Variants in MACROD2 observed in about 807,000 individuals in gnomAD.
The protein encoded by MACROD2 is mono-ADP ribosylhydrolase 2.
MACROD2 carries 36 observed loss-of-function variants against 70.4 expected under a neutral mutation model. That is an observed-to-expected ratio of 0.51 (90% confidence interval 0.39 to 0.68). The LOEUF is 0.68. Among genes scored for constraint, MACROD2 ranks in the 30% least tolerant of loss-of-function variants. The pLI is 0.00. For missense variants in MACROD2, 496 were observed against 538.4 expected, an observed-to-expected ratio of 0.92 and a Z score of 0.78; for synonymous variants, 172 against 178.8, an observed-to-expected ratio of 0.96 and a Z score of 0.30.
At position 14,562,414 on chromosome 20, in the gene MACROD2, G is replaced by C. The variant is rs182260666; in HGVS notation, c.301+68906G>C. On this transcript the variant is annotated intron_variant, in intron 4 of 17. Coordinates refer to ENST00000684519, the MANE Select transcript of MACROD2 (RefSeq NM_001351661.2). ...ATTATCTTAAGTTGGTATATTTATT[G>C]TTTATACATCTACCTACAACCAAAA... is the stretch of plus-strand genomic sequence containing the variant. Among the ~76,000 whole-genome samples, 149 of 151,908 alleles carry C rather than the reference G, an allele frequency of 9.8e-4. 1 individual carries two copies. The highest frequency in any genetic ancestry group is 3.9e-4 in the East Asian group (2 of 5,160).
intron 5 of MACROD2, among the ~76,000 whole-genome samples, chr20:15,201,483 C>T (rs939440085): frequency 6.6e-6 from 1 of 152,148 alleles, no homozygotes; most frequent in Non-Finnish European, 1.5e-5. Context: ...ATACAAATTG[C>T]TTATTATTGC....
At chr20:14,039,167 A>ATT (rs1229777128) in intron 2 of MACROD2, among the ~76,000 whole-genome samples, 1 of 152,168 alleles carries the variant, frequency 6.6e-6, no homozygotes, top group African/African-American at 2.4e-5. Flanking sequence ...GCTTTTAAAA[A>ATT]TTTTTTATGT....
chr20:14,046,715 T>TTTTTTTTA (rs1555913272), intron 2 of MACROD2, among the ~76,000 whole-genome samples: 22 of 145,788 alleles, frequency 1.5e-4, no homozygotes, highest in Non-Finnish European at 4.5e-5. Flanking sequence ...AAGCATTCTC[T>TTTTTTTTA]TTTATTTATT....
chr20:15,143,956 A>AC (rs1002186604), intron 5 of MACROD2, among the ~76,000 whole-genome samples: 7 of 148,288 alleles, frequency 4.7e-5, no homozygotes, highest in African/African-American at 1.8e-4. Context: ...AAAAAAAAAA[A>AC]AATCGCAAAA....
At chr20:15,471,062 C>T (rs1248041890) in intron 7 of MACROD2, among the ~76,000 whole-genome samples, 1 of 152,176 alleles carries the variant, frequency 6.6e-6, no homozygotes. Flanking sequence ...GTATGTGCCC[C>T]TTTCTCCTCT....
At chr20:15,456,405 C>T (rs545381200) in intron 7 of MACROD2, among the ~76,000 whole-genome samples, 1 of 152,264 alleles carries the variant, frequency 6.6e-6, no homozygotes, top group Admixed American at 6.5e-5. Flanking sequence ...CCTTGTAGTC[C>T]CTTTGCTGTT....
intron 4 of MACROD2, among the ~76,000 whole-genome samples, chr20:14,500,472 T>C (rs1177521228): frequency 6.6e-6 from 1 of 152,348 alleles, no homozygotes; most frequent in East Asian, 1.9e-4. Flanking sequence ...TGAACTTGTC[T>C]AGTTCTTTCT....
intron 3 of MACROD2, among the ~76,000 whole-genome samples, chr20:14,155,421 A>G (rs897957481): frequency 1.3e-5 from 2 of 152,122 alleles, no homozygotes; most frequent in African/African-American, 2.4e-5. Context: ...ATACCTTCCC[A>G]TCGGTATGCT....
chr20:15,654,949 G>C (rs1210803469), intron 8 of MACROD2, among the ~76,000 whole-genome samples: 1 of 152,018 alleles, frequency 6.6e-6, no homozygotes, highest in Non-Finnish European at 1.5e-5. Context: ...TCTACAGCTG[G>C]AGAGATGAAG....
chr20:14,330,918 C>T (rs1568561789), intron 3 of MACROD2, among the ~76,000 whole-genome samples: 2 of 151,998 alleles, frequency 1.3e-5, no homozygotes, highest in Admixed American at 6.6e-5. Flanking sequence ...GTTTTTTAAA[C>T]TTGAAAATTA....
chr20:15,101,541 A>AAAAAAAAG (rs2075872847), intron 5 of MACROD2, among the ~76,000 whole-genome samples: 1 of 150,340 alleles, frequency 6.7e-6, no homozygotes, highest in African/African-American at 2.4e-5. Flanking sequence ...GTTCAAAAAA[A>AAAAAAAAG]AAAAAAAGCA....
intron 13 of MACROD2, among the ~76,000 whole-genome samples, chr20:15,977,861 C>G (rs2066331975): frequency 6.6e-6 from 1 of 152,102 alleles, no homozygotes; most frequent in Non-Finnish European, 1.5e-5. Flanking sequence ...AAAGACATTT[C>G]CAGGCAAAAC....
intron 12 of MACROD2, among the ~76,000 whole-genome samples, chr20:15,953,468 G>A (rs1283478559): frequency 1.3e-5 from 2 of 151,972 alleles, no homozygotes; most frequent in African/African-American, 4.8e-5. Flanking sequence ...ACATCACCAT[G>A]TACCCTATGA....
chr20:15,768,138 C>CTGTG (rs557053436), intron 8 of MACROD2, among the ~76,000 whole-genome samples: 1,975 of 148,632 alleles, frequency 0.013, 36 homozygotes, highest in African/African-American at 0.041. Flanking sequence ...GTGTATGTGT[C>CTGTG]TGTGTGTGTG....
chr20:15,381,578 A>C (rs149551369), intron 6 of MACROD2, among the ~76,000 whole-genome samples: 2,353 of 152,116 alleles, frequency 0.015, 32 homozygotes, highest in Non-Finnish European at 0.025. Context: ...AGGTGGGAGG[A>C]TTGACTGAGC....
At chr20:15,170,351 A>G (rs2076414359) in intron 5 of MACROD2, among the ~76,000 whole-genome samples, 1 of 152,224 alleles carries the variant, frequency 6.6e-6, no homozygotes, top group Non-Finnish European at 1.5e-5. Context: ...AAAGCATAGC[A>G]TAGGGAGATC....
At chr20:15,578,639 T>TACA (rs1267441611) in intron 8 of MACROD2, among the ~76,000 whole-genome samples, 1 of 152,280 alleles carries the variant, frequency 6.6e-6, no homozygotes, top group Middle Eastern at 3.4e-3. Flanking sequence ...CAATGGAAGT[T>TACA]ATCTTCCAGA....
chr20:15,630,605 T>C (rs2049274223), intron 8 of MACROD2, among the ~76,000 whole-genome samples: 1 of 152,250 alleles, frequency 6.6e-6, no homozygotes, highest in Non-Finnish European at 1.5e-5. Flanking sequence ...CCATTAAGGA[T>C]TCAGGTTGCA....
At chr20:15,694,991 A>C (rs1006045923) in intron 8 of MACROD2, among the ~76,000 whole-genome samples, 20 of 152,038 alleles carry the variant, frequency 1.3e-4, no homozygotes, top group African/African-American at 4.6e-4. Context: ...TCCCCACTTT[A>C]TGTTTTTGTT....
Sources: gnomAD v4.1 joint callset for allele counts (sites outside exome capture counted in the v4.1 genomes callset) on GRCh38, gnomAD v4.1.1 for gene constraint, MANE v1.5 for transcripts, NCBI Gene and HGNC (gene_info 2026-07-23, HGNC 2026-07-21) for gene names.